KCNMA1: variants seen among roughly 807,000 people sequenced by gnomAD.
The protein encoded by KCNMA1 is potassium calcium-activated channel subfamily M alpha 1.
KCNMA1 carries 29 observed loss-of-function variants against 140.0 expected under a neutral mutation model. The observed-to-expected ratio is 0.21, with a 90% confidence interval of 0.15 to 0.28. KCNMA1 has a LOEUF of 0.28. Ranked by LOEUF, KCNMA1 falls within the 10% of genes least tolerant of loss-of-function variation. The probability of loss-of-function intolerance (pLI) is 1.00; values close to 1 mark genes in which losing one functional copy is unlikely to be tolerated. For missense variants in KCNMA1, 880 were observed against 1,602.2 expected, an observed-to-expected ratio of 0.55 and a Z score of 7.70; for synonymous variants, 612 against 611.9, an observed-to-expected ratio of 1.00 and a Z score of 0.00.
chr10:77,461,611 G>T (rs2097868785), intron 1 of KCNMA1, among the ~76,000 whole-genome samples: 1 of 152,112 alleles, frequency 6.6e-6, no homozygotes, highest in Non-Finnish European at 1.5e-5. Context: ...GCTGGACTAG[G>T]TCACCCCTCC....
intron 13 of KCNMA1, among the ~76,000 whole-genome samples, chr10:77,074,296 G>A (rs1049537995): frequency 1.5e-4 from 23 of 152,260 alleles, no homozygotes; most frequent in Non-Finnish European, 1.8e-4. Context: ...TTTTAGAAGT[G>A]CTCCCCAGAT....
chr10:77,636,465 G>T, intron 1 of KCNMA1: 2 of 1,536,204 alleles, frequency 1.3e-6, no homozygotes, highest in Non-Finnish European at 1.7e-6. Flanking sequence ...GCGGACTCCC[G>T]CTCCAGCTCC....
intron 2 of KCNMA1, among the ~76,000 whole-genome samples, chr10:77,358,494 G>A (rs1275553102): frequency 1.3e-5 from 2 of 151,918 alleles, no homozygotes; most frequent in Non-Finnish European, 2.9e-5. Flanking sequence ...CCAAGACACT[G>A]CCTAGGACCT....
In KCNMA1 at chr10:77,158,306, C is replaced by T. The variant is rs141963712; in HGVS notation, c.808+25115G>A. On this transcript the variant is annotated intron_variant, in intron 5 of 27. Coordinates refer to ENST00000286628, the MANE Select transcript of KCNMA1 (RefSeq NM_001161352.2). ...AAGCTATAATAGACCCTTTGATCCT[C>T]ACAGTAACTCCTTTAGGTAGTGAAG... Among the ~76,000 whole-genome samples the T allele has an allele frequency of 2.6e-5, 4 of 152,168 alleles. No homozygotes were observed. In the East Asian group the frequency reaches 7.7e-4, roughly 29 times the overall value.
At chr10:77,321,670 T>TC (rs1244860720) in intron 2 of KCNMA1, among the ~76,000 whole-genome samples, 1 of 152,194 alleles carries the variant, frequency 6.6e-6, no homozygotes, top group African/African-American at 2.4e-5. Context: ...GGTTTTTTTT[T>TC]CCCCTGTCCA....
intron 1 of KCNMA1, among the ~76,000 whole-genome samples, chr10:77,445,414 AT>A (rs1566896318): frequency 3.3e-5 from 5 of 152,082 alleles, no homozygotes; most frequent in African/African-American, 4.8e-5. Flanking sequence ...AATAAAAAAA[AT>A]CTTGCAATTA....
chr10:77,523,603 T>C (rs1008526640), intron 1 of KCNMA1, among the ~76,000 whole-genome samples: 1 of 152,274 alleles, frequency 6.6e-6, no homozygotes, highest in East Asian at 1.9e-4. Context: ...AGTGCTTATT[T>C]CAAGAAAGTG....
chr10:77,451,766 T>C (rs890687894), intron 1 of KCNMA1, among the ~76,000 whole-genome samples: 2 of 152,208 alleles, frequency 1.3e-5, no homozygotes, highest in African/African-American at 4.8e-5. Flanking sequence ...TCAGGGCACC[T>C]ATATTTCTAA....
chr10:77,017,841 G>T (rs913491906), intron 17 of KCNMA1, among the ~76,000 whole-genome samples: 1 of 150,730 alleles, frequency 6.6e-6, no homozygotes, highest in Non-Finnish European at 1.5e-5. Flanking sequence ...TATGTAAAGT[G>T]GGAAAGAGTA....
At chr10:77,380,910 A>T (rs1184239195) in intron 2 of KCNMA1, among the ~76,000 whole-genome samples, 1 of 152,226 alleles carries the variant, frequency 6.6e-6, no homozygotes, top group Non-Finnish European at 1.5e-5. Flanking sequence ...CCAAAGAGAA[A>T]GTGCAAAGTC....
chr10:77,320,757 A>G (rs1352569397), intron 2 of KCNMA1, among the ~76,000 whole-genome samples: 1 of 152,178 alleles, frequency 6.6e-6, no homozygotes, highest in Non-Finnish European at 1.5e-5. Flanking sequence ...ACCCAAGCAC[A>G]TTTCTAAAAT....
At chr10:77,090,171 G>A (rs111786823) in intron 10 of KCNMA1, among the ~76,000 whole-genome samples, 81 of 152,172 alleles carry the variant, frequency 5.3e-4, no homozygotes, top group African/African-American at 1.9e-3. Flanking sequence ...TCCCAGAATC[G>A]CCTCCACAGA....
At chr10:76,872,286 G>A (rs1166665032), downstream of KCNMA1, 4 of 152,206 alleles carry the variant, frequency 2.6e-5, no homozygotes, top group African/African-American at 7.2e-5. Context: ...AATGTGTGAG[G>A]AAGGTGCTGC....
chr10:77,014,477 A>C (rs1258820465), intron 17 of KCNMA1, among the ~76,000 whole-genome samples: 4 of 151,750 alleles, frequency 2.6e-5, no homozygotes, highest in Non-Finnish European at 5.9e-5. Flanking sequence ...TTTCTGGTAT[A>C]TAATTCATTT....
chr10:77,497,921 C>G (rs1230548983), intron 1 of KCNMA1, among the ~76,000 whole-genome samples: 2 of 152,198 alleles, frequency 1.3e-5, no homozygotes, highest in African/African-American at 4.8e-5. Flanking sequence ...GCTTCATTTA[C>G]ATTTGTCCAT....
exon 30 of KCNMA1, chr10:76,877,856 G>A (rs778256515): frequency 6.2e-7 from 1 of 1,610,218 alleles, no homozygotes; most frequent in Non-Finnish European, 8.5e-7. Flanking sequence ...TTCTGGGATA[G>A]GCATTATCCG....
chr10:77,219,628 T>C (rs948508308), intron 3 of KCNMA1, among the ~76,000 whole-genome samples: 3 of 152,180 alleles, frequency 2.0e-5, no homozygotes, highest in African/African-American at 7.2e-5. Flanking sequence ...TTTTGTTTTG[T>C]TTTGTTTTTG....
At chr10:77,444,746 T>C (rs1382825972) in intron 1 of KCNMA1, among the ~76,000 whole-genome samples, 1 of 152,154 alleles carries the variant, frequency 6.6e-6, no homozygotes, top group Non-Finnish European at 1.5e-5. Context: ...CCAGCCCCAG[T>C]GAACCTGCTG....
At chr10:77,610,638 C>T (rs1191639926) in intron 1 of KCNMA1, among the ~76,000 whole-genome samples, 1 of 152,184 alleles carries the variant, frequency 6.6e-6, no homozygotes, top group Non-Finnish European at 1.5e-5. Flanking sequence ...ACACAAAAGG[C>T]CACATATTGT....
Sources: gnomAD v4.1 joint callset for allele counts (sites outside exome capture counted in the v4.1 genomes callset) on GRCh38, gnomAD v4.1.1 for gene constraint, MANE v1.5 for transcripts, NCBI Gene and HGNC (gene_info 2026-07-23, HGNC 2026-07-21) for gene names.